The following UIMC1 variants were observed in gnomAD, a reference collection of about 807,000 sequenced individuals.
UIMC1 encodes the protein ubiquitin interaction motif containing 1, also known as BRCA1-A complex subunit RAP80.
UIMC1 carries 42 observed loss-of-function variants against 84.9 expected under a neutral mutation model. The observed-to-expected ratio is 0.49, with a 90% CI of 0.39 to 0.64. UIMC1 has a LOEUF of 0.64. UIMC1 is among the 30% of genes least tolerant of loss of function. The pLI, the probability that UIMC1 is intolerant of heterozygous loss-of-function variation, is 0.00. For synonymous variants in UIMC1, 281 were observed against 293.0 expected, an observed-to-expected ratio of 0.96 and a Z score of 0.42; for missense variants, 825 against 847.6, an observed-to-expected ratio of 0.97 and a Z score of 0.33.
intron 3 of UIMC1, among the ~76,000 whole-genome samples, chr5:176,971,369 G>C (rs1228404906): frequency 6.6e-6 from 1 of 152,018 alleles, no homozygotes; most frequent in Non-Finnish European, 1.5e-5. Flanking sequence ...AAGGAACCGG[G>C]GTACACTGAA....
At chr5:177,009,907 C>T (rs1775507146), upstream of UIMC1, among the ~76,000 whole-genome samples, 2 of 152,058 alleles carry the variant, frequency 1.3e-5, no homozygotes, top group Non-Finnish European at 2.9e-5. The surrounding 1 kb of genome is among the most constrained non-coding windows in gnomAD (Gnocchi z 4.3). Context: ...TGGTGGCACG[C>T]GCCAGTAAGT....
At chr5:176,920,067 G>A (rs752776951) in intron 10 of UIMC1, among the ~76,000 whole-genome samples, 17 of 152,102 alleles carry the variant, frequency 1.1e-4, no homozygotes, top group Non-Finnish European at 2.1e-4. Context: ...TGTTGCCCAG[G>A]CTGGAGTGCA....
rs1165353720 is a variant in UIMC1 at position 176,905,197 on chromosome 5, A to G, written c.*85T>C. The G allele has an allele frequency of 3.4e-6, 5 of 1,453,264 alleles. No homozygotes were observed. Among genetic ancestry groups the G allele is most frequent in the Non-Finnish European group, 4.7e-6 (5 of 1,068,514 alleles). The allele number at this position is 1,453,264 out of a possible 1,614,324, so 90.0% of individuals were successfully genotyped here. On this transcript the variant is annotated 3_prime_UTR_variant, in exon 15 of 15. Transcript: ENST00000511320. ...AAACTGCAGGGCTAAAACTTGCTCA[A>G]CAATGAACTAGGGACCACTATGGCT... is the stretch of plus-strand genomic sequence containing the variant.
At chr5:177,005,334 CAAA>C (rs1775103649) in intron 1 of UIMC1, among the ~76,000 whole-genome samples, 2 of 152,090 alleles carry the variant, frequency 1.3e-5, no homozygotes, top group Admixed American at 1.3e-4. Flanking sequence ...CTCGGCCTCT[CAAA>C]GTGCTGGGAG....
At chr5:176,912,928 A>C (rs888839369) in intron 10 of UIMC1, among the ~76,000 whole-genome samples, 2 of 152,226 alleles carry the variant, frequency 1.3e-5, no homozygotes, top group Non-Finnish European at 2.9e-5. Context: ...TTAGCCTCCC[A>C]AAGTGCTGGG....
chr5:177,006,985 G>T (rs1775366464), upstream of UIMC1, among the ~76,000 whole-genome samples: 1 of 152,190 alleles, frequency 6.6e-6, no homozygotes, highest in Non-Finnish European at 1.5e-5. Context: ...CACTTTTGAG[G>T]ACAATTCCGT....
At chr5:177,017,065 A>T (rs184894531) in intron 1 of UIMC1, among the ~76,000 whole-genome samples, 108 of 152,100 alleles carry the variant, frequency 7.1e-4, no homozygotes, top group Admixed American at 2.5e-3. Flanking sequence ...AAATGAAATG[A>T]AATAAAGAAG....
intron 8 of UIMC1, among the ~76,000 whole-genome samples, chr5:176,953,495 T>TATACACACAC (rs1554120134): frequency 4.4e-5 from 6 of 136,978 alleles, no homozygotes; most frequent in African/African-American, 1.4e-4. Flanking sequence ...ACTGGACACA[T>TATACACACAC]ACACACACAC....
rs186817937 is a variant in UIMC1, at chr5:176,931,873, C to T, written c.1597+11462G>A. Among the ~76,000 whole-genome samples the T allele has an allele frequency of 2.7e-4, 41 of 152,188 alleles. No individual in the cohort carries two copies. In the East Asian group the frequency reaches 7.5e-3, roughly 28 times the overall value. On this transcript the variant is annotated intron_variant, in intron 10 of 14. Coordinates refer to ENST00000511320, the MANE Select transcript of UIMC1 (RefSeq NM_001199298.2). ...CCTGTAATCCCAGCTACTTGGGAGG[C>T]TGAGGGAGAGAACTGCTTAAACCGA...
At chr5:177,001,823 G>A (rs924139695) in intron 1 of UIMC1, among the ~76,000 whole-genome samples, 2 of 151,270 alleles carry the variant, frequency 1.3e-5, no homozygotes, top group African/African-American at 2.4e-5. Flanking sequence ...GGTAGCAGGC[G>A]CCTGCAGTCC....
At chr5:176,956,741 T>A (rs1167887147) in intron 7 of UIMC1, among the ~76,000 whole-genome samples, 1 of 151,670 alleles carries the variant, frequency 6.6e-6, no homozygotes, top group Non-Finnish European at 1.5e-5. Flanking sequence ...ATTAGTTTGA[T>A]CAAGTATGCA....
rs190616301 is a variant in UIMC1 at position 176,940,969 on chromosome 5, A to G, written c.1597+2366T>C. 9.1e-3 allele frequency among the ~76,000 whole-genome samples: 1,385 copies of G among 152,340 alleles called. 7 individuals are homozygous for G. Among genetic ancestry groups the G allele is most frequent in the South Asian group, 0.025 (121 of 4,828 alleles). On this transcript the variant is annotated intron_variant, in intron 10 of 14. Transcript: ENST00000511320. ...AAGTCAGTAACAGAGGTGGGACTCAAGCTCAAACTGACTGGCCCTCCAGAG... is the reference window on the plus strand; with the variant it reads ...AAGTCAGTAACAGAGGTGGGACTCAGGCTCAAACTGACTGGCCCTCCAGAG...
At chr5:176,932,161 A>G (rs1188822654) in intron 10 of UIMC1, among the ~76,000 whole-genome samples, 1 of 152,210 alleles carries the variant, frequency 6.6e-6, no homozygotes, top group Non-Finnish European at 1.5e-5. Context: ...GGGCATTCAA[A>G]TAAGATAATG....
At chr5:176,946,642 C>A (rs1765149453) in intron 9 of UIMC1, among the ~76,000 whole-genome samples, 1 of 152,166 alleles carries the variant, frequency 6.6e-6, no homozygotes, top group Non-Finnish European at 1.5e-5. Flanking sequence ...TGAGACCAGC[C>A]TGGCTAATGT....
chr5:176,949,451 T>C (rs1765567102), intron 9 of UIMC1, among the ~76,000 whole-genome samples: 2 of 152,240 alleles, frequency 1.3e-5, no homozygotes, highest in African/African-American at 2.4e-5. Context: ...TAAGGGCTTC[T>C]TCTGTATGTT....
intron 7 of UIMC1, among the ~76,000 whole-genome samples, chr5:176,956,755 G>C (rs1383045017): frequency 6.6e-6 from 1 of 151,250 alleles, no homozygotes; most frequent in Non-Finnish European, 1.5e-5. Flanking sequence ...GTATGCAAGA[G>C]GATGCTTGAA....
chr5:176,939,948 T>C (rs767607998), intron 10 of UIMC1, among the ~76,000 whole-genome samples: 3 of 152,156 alleles, frequency 2.0e-5, no homozygotes, highest in African/African-American at 4.8e-5. Context: ...TGTCTGAAAG[T>C]CTGCGATATC....
chr5:176,917,959 C>A (rs1300811135), intron 10 of UIMC1, among the ~76,000 whole-genome samples: 1 of 152,100 alleles, frequency 6.6e-6, no homozygotes, highest in East Asian at 1.9e-4. Context: ...AACTCTGTCT[C>A]AAAAAATAAT....
At chr5:176,983,730 C>T (rs1316649973) in intron 1 of UIMC1, among the ~76,000 whole-genome samples, 1 of 152,060 alleles carries the variant, frequency 6.6e-6, no homozygotes, top group Admixed American at 6.6e-5. Flanking sequence ...TGCCCGGCCA[C>T]CCCGTCTGGG....
Sources: gnomAD v4.1 joint callset for allele counts (sites outside exome capture counted in the v4.1 genomes callset) on GRCh38, gnomAD v4.1.1 for gene constraint, Gnocchi (gnomAD v3.1) non-coding constraint, MANE v1.5 for transcripts, NCBI Gene and HGNC (gene_info 2026-07-23, HGNC 2026-07-21) for gene names.